HSDL2: variants seen among roughly 807,000 people sequenced by gnomAD.
HSDL2 encodes hydroxysteroid dehydrogenase-like protein 2.
Under a neutral mutation model 46.3 loss-of-function variants are expected in HSDL2, and 27 were observed. The observed-to-expected ratio is 0.58, with a 90% CI of 0.43 to 0.80. The LOEUF (loss-of-function observed/expected upper bound fraction) is 0.80, where lower values mean the gene tolerates loss of function less well. Ranked by LOEUF, HSDL2 falls within the 30% of genes least tolerant of loss-of-function variation. HSDL2 has a pLI of 0.00. For missense variants in HSDL2, 451 were observed against 502.7 expected (o/e 0.90, Z 0.98); for synonymous variants, 153 against 163.6 (o/e 0.94, Z 0.50).
rs1381883858 is a variant in HSDL2, at chr9:112,471,809, A to C, written c.*1265A>C. 6.6e-6 allele frequency: 1 copy of C among 152,252 alleles called. No individual in the cohort carries two copies. Among genetic ancestry groups the C allele is most frequent in the South Asian group, 2.1e-4 (1 of 4,836 alleles). 9.4% of individuals were successfully genotyped at this position (152,252 alleles called of 1,614,324 possible). ...AAAGCTCTTATCTTTCATTTCAATCAGTTAAAAATACTTGCTCAGTGTAAC... is the reference window on the plus strand; with the variant it reads ...AAAGCTCTTATCTTTCATTTCAATCCGTTAAAAATACTTGCTCAGTGTAAC... On this transcript the variant is annotated 3_prime_UTR_variant, in exon 11 of 11. Transcript: ENST00000398805.
intron 8 of HSDL2, among the ~76,000 whole-genome samples, chr9:112,453,344 GTGAT>G (rs1228788308): frequency 6.6e-6 from 1 of 152,176 alleles, no homozygotes; most frequent in Non-Finnish European, 1.5e-5. Flanking sequence ...TGACAAAGGA[GTGAT>G]TGATTATCAT....
rs757067265 is a variant in HSDL2, at chr9:112,404,128, C to G, written c.151C>G (p.Leu51Val). Residue 51 changes from leucine (L) to valine (V), a missense_variant, in exon 2 of 11, where the codon CTA becomes GTA. By Grantham distance (32) the Leu-to-Val change is conservative. Transcript: ENST00000398805. ...AKTAQPHPKL[L>V]GTIYTAAEEI... ...GACCGCCCAGCCACATCCAAAACTTCTAGGCACAATCTATACTGCTGCTGA... is the reference window on the plus strand; with the variant it reads ...GACCGCCCAGCCACATCCAAAACTTGTAGGCACAATCTATACTGCTGCTGA... 2 of 1,614,048 alleles carry G rather than the reference C, an allele frequency of 1.2e-6. No individual in the cohort carries two copies. The highest frequency in any genetic ancestry group is 4.5e-5 in the East Asian group (2 of 44,898).
intron 6 of HSDL2, among the ~76,000 whole-genome samples, chr9:112,421,332 C>CA (rs779930995): frequency 7.9e-5 from 12 of 151,672 alleles, no homozygotes; most frequent in Non-Finnish European, 1.5e-4. Context: ...GATCCTGTCT[C>CA]AAAAAAACAA....
At position 112,441,677 on chromosome 9, in the gene HSDL2, T is replaced by C. The variant is rs1302442447; in HGVS notation, c.794-22T>C. 3.2e-6 allele frequency: 5 copies of C among 1,552,498 alleles called. No homozygotes were observed. The Middle Eastern group carries it at 6.7e-4, about 209-fold the overall frequency. On this transcript the variant is annotated intron_variant, in intron 7 of 10. Transcript: ENST00000398805. ...CTATGTTGTAGTTACATTAACCTAA[T>C]GGTTTGGGGTCAATTTTTCAGGTCA...
At chr9:112,442,256 A>G in intron 8 of HSDL2, among the ~76,000 whole-genome samples, 1 of 137,704 alleles carries the variant, frequency 7.3e-6, no homozygotes, top group African/African-American at 2.8e-5. Flanking sequence ...GTGACAGAGC[A>G]AGACCCTGTC....
At chr9:112,412,009 C>T (rs1317635879) in intron 4 of HSDL2, among the ~76,000 whole-genome samples, 1 of 152,126 alleles carries the variant, frequency 6.6e-6, no homozygotes, top group Non-Finnish European at 1.5e-5. Flanking sequence ...GATGATGAAG[C>T]CACAGATATA....
chr9:112,429,664 C>A (rs1832340379), intron 6 of HSDL2, among the ~76,000 whole-genome samples: 1 of 151,798 alleles, frequency 6.6e-6, no homozygotes, highest in African/African-American at 2.4e-5. Context: ...GGGAGAGATA[C>A]AATAGACAAC....
intron 1 of HSDL2, among the ~76,000 whole-genome samples, chr9:112,386,255 TC>T (rs1241194698): frequency 6.6e-6 from 1 of 152,198 alleles, no homozygotes; most frequent in Non-Finnish European, 1.5e-5. Flanking sequence ...TTTCCTATTT[TC>T]TTGAATTTCA....
chr9:112,404,050 G>A lies in HSDL2; in HGVS notation c.73G>A (p.Ala25Thr). 3.1e-6 allele frequency: 5 copies of A among 1,614,190 alleles called. No individual in the cohort carries two copies. Among genetic ancestry groups the A allele is most frequent in the Non-Finnish European group, 3.4e-6 (4 of 1,180,020 alleles). The change falls in exon 2 of 11, where the codon GCT becomes ACT. Residue 25 changes from alanine to threonine, a missense_variant. Transcript: ENST00000398805. ...AGGTGCAAGCCGTGGCATTGGCAAA[G>A]CTATTGCATTGAAAGCAGCAAAGGA... The part of the protein sequence containing the change: ...ITGASRGIGK[A>T]IALKAAKDGA...
At chr9:112,403,845 G>A (rs1012349100) in intron 1 of HSDL2, 150 bp from the exon 2 acceptor site, 2 of 682,772 alleles carry the variant, frequency 2.9e-6, no homozygotes, top group Non-Finnish European at 5.0e-6. Flanking sequence ...GTATAGTGGA[G>A]TTATCTGCCA....
intron 1 of HSDL2, among the ~76,000 whole-genome samples, chr9:112,402,870 G>A (rs1255761947): frequency 2.6e-5 from 4 of 152,092 alleles, no homozygotes; most frequent in Admixed American, 6.5e-5. Context: ...GCTTGAACCC[G>A]GGAGGCAGAG....
At chr9:112,442,870 ATTCT>A (rs1832671993) in intron 8 of HSDL2, among the ~76,000 whole-genome samples, 1 of 151,906 alleles carries the variant, frequency 6.6e-6, no homozygotes, top group Non-Finnish European at 1.5e-5. Flanking sequence ...TCTTTTATTT[ATTCT>A]TTATTATTTA....
chr9:112,459,510 A>G lies in HSDL2; in HGVS notation c.1077A>G (p.Gly359=), dbSNP rs1326553137. 3 of 1,613,734 alleles carry G rather than the reference A, an allele frequency of 1.9e-6. No homozygotes were observed. Among genetic ancestry groups the G allele is most frequent in the Non-Finnish European group, 2.5e-6 (3 of 1,179,728 alleles). ...LKSKGGNVGY[G]EPSDQADVVM... ...GCAAGGGTGGGAATGTCGGATATGG[A>G]GAGCCTTCTGATCAGGCAGATGTGG... The change falls in exon 10 of 11, where the codon GGA becomes GGG. Residue 359 remains glycine (G), a synonymous_variant. Transcript: ENST00000398805.
chr9:112,469,574 G>T (rs1173848155), intron 10 of HSDL2: 1 of 147,682 alleles, frequency 6.8e-6, no homozygotes, highest in Admixed American at 6.9e-5. Context: ...GAGGTGGGAG[G>T]TTCAGATGAG....
chr9:112,381,924 G>A (rs1352818584), intron 1 of HSDL2, among the ~76,000 whole-genome samples: 1 of 151,930 alleles, frequency 6.6e-6, no homozygotes, highest in Admixed American at 6.6e-5. Flanking sequence ...TAAACTCCTG[G>A]AAGTGAAATT....
At chr9:112,418,995 A>T in intron 6 of HSDL2, 37 bp downstream of exon 6, 2 of 1,087,946 alleles carry the variant, frequency 1.8e-6, no homozygotes, top group Middle Eastern at 4.3e-4. Context: ...TTAGATTTTC[A>T]TGTATTGTCC....
intron 3 of HSDL2, among the ~76,000 whole-genome samples, chr9:112,407,582 A>C (rs1195185362): frequency 1.3e-5 from 2 of 151,972 alleles, no homozygotes; most frequent in African/African-American, 4.8e-5. Context: ...AGGCCTAGCT[A>C]ATTTTTGTGT....
intron 8 of HSDL2, among the ~76,000 whole-genome samples, chr9:112,451,253 A>C (rs1018961645): frequency 6.6e-6 from 1 of 152,206 alleles, no homozygotes; most frequent in African/African-American, 2.4e-5. Context: ...CTTCTAAATA[A>C]TAATACCTTA....
chr9:112,447,203 C>A (rs978820920), intron 8 of HSDL2, among the ~76,000 whole-genome samples: 1 of 152,146 alleles, frequency 6.6e-6, no homozygotes, highest in East Asian at 1.9e-4. Context: ...CTTTTGTGTA[C>A]TGGAATTCTA....
Sources: gnomAD v4.1 joint callset for allele counts (sites outside exome capture counted in the v4.1 genomes callset) on GRCh38, gnomAD v4.1.1 for gene constraint, MANE v1.5 for transcripts, NCBI Gene and HGNC (gene_info 2026-07-23, HGNC 2026-07-21) for gene names.